Variants in UHRF2 observed in about 807,000 individuals in gnomAD.
The protein encoded by UHRF2 is E3 ubiquitin-protein ligase UHRF2.
UHRF2 carries 23 observed loss-of-function variants against 96.8 expected under a neutral mutation model. That is an observed-to-expected ratio of 0.24 (90% CI 0.17 to 0.34). The LOEUF (loss-of-function observed/expected upper bound fraction) is 0.34. Among genes scored for constraint, UHRF2 ranks in the 10% least tolerant of loss-of-function variants. The pLI is 1.00. For synonymous variants in UHRF2, 385 were observed against 332.6 expected (o/e 1.16, Z -1.72); for missense variants, 685 against 981.5 (o/e 0.70, Z 4.04).
chr9:6,442,673 G>T (rs543373379), intron 3 of UHRF2, among the ~76,000 whole-genome samples: 40 of 149,538 alleles, frequency 2.7e-4, no homozygotes, highest in African/African-American at 9.1e-4. Context: ...TTTTGGGGGG[G>T]TAGAGATGGG....
chr9:6,490,300 C>T (rs879924775), intron 9 of UHRF2, among the ~76,000 whole-genome samples: 4 of 152,162 alleles, frequency 2.6e-5, no homozygotes, highest in African/African-American at 7.2e-5. Context: ...GCACATAGCA[C>T]GGACTCAAAT....
chr9:6,431,820 C>A (rs886657279), intron 2 of UHRF2, among the ~76,000 whole-genome samples: 9 of 152,158 alleles, frequency 5.9e-5, no homozygotes, highest in African/African-American at 1.7e-4. Flanking sequence ...TGTGCCGCCT[C>A]GTGTTCCTTA....
At chr9:6,416,284 T>C (rs1819595269) in intron 1 of UHRF2, among the ~76,000 whole-genome samples, 2 of 152,074 alleles carry the variant, frequency 1.3e-5, no homozygotes, top group Admixed American at 1.3e-4. Context: ...CGATGGTCTC[T>C]ATCTAGGACA....
In UHRF2 at chr9:6,476,842, C is replaced by G. The variant is rs535931915; in HGVS notation, c.974-780C>G. Among the ~76,000 whole-genome samples the G allele has an allele frequency of 1.3e-4, 20 of 152,266 alleles. 1 individual carries two copies. In the South Asian group the frequency reaches 4.1e-3, roughly 32 times the overall value. Reference sequence around the variant, plus strand: ...ACTCCTGAGCTCGTGATCCGCCCAACCCAGCCTCCTAAAGTGCTGGTATTA... The same window carrying G: ...ACTCCTGAGCTCGTGATCCGCCCAAGCCAGCCTCCTAAAGTGCTGGTATTA... On this transcript the variant is annotated intron_variant, in intron 5 of 15. Transcript: ENST00000276893.
At chr9:6,494,001 A>T (rs963465821) in intron 10 of UHRF2, 69 bp downstream of exon 10, 9 of 1,359,820 alleles carry the variant, frequency 6.6e-6, no homozygotes, top group Non-Finnish European at 9.1e-6. Context: ...TGTAAATTGT[A>T]ACTTACGTTG....
intron 4 of UHRF2, among the ~76,000 whole-genome samples, chr9:6,463,756 C>T (rs1822700998): frequency 6.6e-6 from 1 of 151,968 alleles, no homozygotes; most frequent in Non-Finnish European, 1.5e-5. Flanking sequence ...TAGGTATGAG[C>T]CACCGTGTCT....
chr9:6,418,498 G>A (rs1457789000), intron 1 of UHRF2, among the ~76,000 whole-genome samples: 1 of 151,854 alleles, frequency 6.6e-6, no homozygotes, highest in Non-Finnish European at 1.5e-5. Context: ...TGGGTTCTTG[G>A]ACCACCTGAG....
chr9:6,423,207 G>A (rs1321267906), intron 2 of UHRF2, among the ~76,000 whole-genome samples: 1 of 152,194 alleles, frequency 6.6e-6, no homozygotes, highest in East Asian at 1.9e-4. Context: ...TTAGAACCAT[G>A]TTTCCAAAGA....
At chr9:6,454,362 G>A (rs1563769234) in intron 3 of UHRF2, among the ~76,000 whole-genome samples, 1 of 152,222 alleles carries the variant, frequency 6.6e-6, no homozygotes, top group Non-Finnish European at 1.5e-5. Context: ...AATTAGGAAA[G>A]ATGATGATTG....
At chr9:6,465,497 A>G (rs554239472) in intron 4 of UHRF2, among the ~76,000 whole-genome samples, 1 of 152,280 alleles carries the variant, frequency 6.6e-6, no homozygotes, top group African/African-American at 2.4e-5. Flanking sequence ...AGGACTATTC[A>G]TGTTTTCTAT....
intron 2 of UHRF2, among the ~76,000 whole-genome samples, chr9:6,428,489 T>C (rs1820380434): frequency 6.7e-6 from 1 of 149,854 alleles, no homozygotes; most frequent in Non-Finnish European, 1.5e-5. Context: ...ATCCCTAATT[T>C]TCTGGTTTCT....
chr9:6,422,458 A>G (rs1266291312), intron 2 of UHRF2, among the ~76,000 whole-genome samples: 1 of 152,138 alleles, frequency 6.6e-6, no homozygotes. Flanking sequence ...ATATTTGCAT[A>G]CAAAAAACTG....
intron 3 of UHRF2, among the ~76,000 whole-genome samples, chr9:6,459,350 G>T (rs1822380912): frequency 6.6e-6 from 1 of 152,168 alleles, no homozygotes; most frequent in African/African-American, 2.4e-5. Context: ...AGATCAGAAA[G>T]AGGCCATCAT....
chr9:6,491,016 G>C (rs955281403), intron 9 of UHRF2, among the ~76,000 whole-genome samples: 1 of 152,206 alleles, frequency 6.6e-6, no homozygotes, highest in Non-Finnish European at 1.5e-5. Flanking sequence ...TCTTTGTTCT[G>C]TCTGGGTGAA....
chr9:6,457,693 T>G (rs1460878910), intron 3 of UHRF2, among the ~76,000 whole-genome samples: 1 of 152,148 alleles, frequency 6.6e-6, no homozygotes, highest in Non-Finnish European at 1.5e-5. Flanking sequence ...CAAAACCTAG[T>G]TTATTGAGAG....
intron 3 of UHRF2, among the ~76,000 whole-genome samples, chr9:6,434,886 A>G (rs1820750708): frequency 6.6e-6 from 1 of 152,080 alleles, no homozygotes. Context: ...ACTGGAGTAC[A>G]GCAATGTGAT....
chr9:6,454,893 T>C (rs888329541), intron 3 of UHRF2, among the ~76,000 whole-genome samples: 12 of 152,248 alleles, frequency 7.9e-5, no homozygotes, highest in African/African-American at 2.9e-4. Flanking sequence ...AGGGGATTTG[T>C]AAATGTAGAT....
At position 6,506,353 on chromosome 9, in the gene UHRF2, T is replaced by A; in HGVS notation, c.*174T>A. ...TGTAGTAAGAGGCCCATTTCTCAAC[T>A]GTCTTTTAAATATCTAAAGGTAGTT... On this transcript the variant is annotated 3_prime_UTR_variant, in exon 16 of 16. Transcript: ENST00000276893. The A allele has an allele frequency of 1.3e-6, 1 of 766,422 alleles. No homozygotes were observed. The highest frequency in any genetic ancestry group is 2.0e-6 in the Non-Finnish European group (1 of 509,110). 47.5% of individuals were successfully genotyped at this position (766,422 alleles called of 1,614,324 possible). A position where few individuals can be genotyped will look rare whatever the true frequency, so the allele number is the denominator to read the frequency against.
chr9:6,418,692 T>C (rs1210650623), intron 1 of UHRF2, among the ~76,000 whole-genome samples: 1 of 152,214 alleles, frequency 6.6e-6, no homozygotes, highest in Non-Finnish European at 1.5e-5. Context: ...GTGATAGTTG[T>C]GGCCTGAAAG....
Sources: allele counts gnomAD v4.1 joint callset (sites outside exome capture counted in the v4.1 genomes callset), GRCh38; gene constraint gnomAD v4.1.1; transcripts MANE v1.5; gene names NCBI Gene and HGNC (gene_info 2026-07-23, HGNC 2026-07-21).